TNFAIP8: variants seen among roughly 807,000 people sequenced by gnomAD.
The protein encoded by TNFAIP8 is TNF alpha induced protein 8.
A neutral mutation model predicts 13.3 loss-of-function variants in TNFAIP8; 7 were observed. The observed-to-expected ratio is 0.52, with a 90% CI of 0.30 to 0.99. The LOEUF (loss-of-function observed/expected upper bound fraction) is 0.99. Ranked by LOEUF, TNFAIP8 falls within the 50% of genes least tolerant of loss-of-function variation. The probability of loss-of-function intolerance (pLI) is 0.07; values close to 1 mark genes in which losing one functional copy is unlikely to be tolerated. For synonymous variants in TNFAIP8, 94 were observed against 87.6 expected, an observed-to-expected ratio of 1.07 and a Z score of -0.41; for missense variants, 258 against 236.9, an observed-to-expected ratio of 1.09 and a Z score of -0.58.
chr5:119,381,669 C>T (rs141632169), intron 1 of TNFAIP8, among the ~76,000 whole-genome samples: 9 of 152,186 alleles, frequency 5.9e-5, no homozygotes, highest in East Asian at 3.9e-4. Flanking sequence ...CCCAGGGTCC[C>T]GGGTAAGATT....
At chr5:119,333,481 A>G in intron 1 of TNFAIP8, 1 of 1,436,070 alleles carries the variant, frequency 7.0e-7, no homozygotes, top group Non-Finnish European at 9.1e-7. Flanking sequence ...ATTATTCTTG[A>G]GAAGGACTGA....
At chr5:119,310,210 A>T (rs1431369673) in intron 1 of TNFAIP8, among the ~76,000 whole-genome samples, 1 of 152,042 alleles carries the variant, frequency 6.6e-6, no homozygotes, top group Non-Finnish European at 1.5e-5. Flanking sequence ...AACAGATGTC[A>T]CTCTTTCGCT....
intron 1 of TNFAIP8, among the ~76,000 whole-genome samples, chr5:119,361,192 G>GACACC (rs1434471443): frequency 6.6e-6 from 1 of 152,180 alleles, no homozygotes; most frequent in Non-Finnish European, 1.5e-5. Flanking sequence ...TGGGAGTCAG[G>GACACC]ACACCTTTCT....
At chr5:119,354,520 C>T (rs1751308432), upstream of TNFAIP8, 1 of 152,026 alleles carries the variant, frequency 6.6e-6, no homozygotes. Flanking sequence ...TGTTCAAAGT[C>T]AATACTGAAA....
intron 1 of TNFAIP8, among the ~76,000 whole-genome samples, chr5:119,315,764 GTGTCGTC>G: frequency 6.6e-6 from 1 of 152,290 alleles, no homozygotes; most frequent in East Asian, 1.9e-4. Context: ...GTTCCTGGTA[GTGTCGTC>G]TATCTGAAGA....
intron 1 of TNFAIP8, among the ~76,000 whole-genome samples, chr5:119,327,154 ATGTC>A (rs1750248521): frequency 6.6e-6 from 1 of 152,196 alleles, no homozygotes; most frequent in Admixed American, 6.5e-5. Flanking sequence ...TTTCCTGGAA[ATGTC>A]TGTTCCCAGA....
Position 119,297,556 on chromosome 5 carries a change from G to T in TNFAIP8, c.1+28649G>T, listed in dbSNP as rs558360815. ...TGGTCAATTTTGGAATAGGTGTGGT[G>T]TGGTGCTGAAAAAAATGTATATTCT... On this transcript the variant is annotated intron_variant, in intron 1 of 1. Coordinates refer to the TNFAIP8 transcript ENST00000274456. Among the ~76,000 whole-genome samples, 934 of 152,268 alleles carry T rather than the reference G, an allele frequency of 6.1e-3. 8 individuals carry two copies. The highest frequency in any genetic ancestry group is 0.022 in the African/African-American group (896 of 41,556).
chr5:119,306,592 C>T (rs1463491578), intron 1 of TNFAIP8: 1 of 152,182 alleles, frequency 6.6e-6, no homozygotes, highest in Non-Finnish European at 1.5e-5. Flanking sequence ...CTTGGCCTCC[C>T]AAGTAGCTGG....
At chr5:119,268,980 C>T (rs879314201) in intron 1 of TNFAIP8, 40 of 642,736 alleles carry the variant, frequency 6.2e-5, no homozygotes, top group Middle Eastern at 2.4e-4. Flanking sequence ...CTGCGGGCTG[C>T]TCTCGGGGAG....
intron 1 of TNFAIP8, among the ~76,000 whole-genome samples, chr5:119,361,796 A>G (rs1223446577): frequency 6.6e-6 from 1 of 152,224 alleles, no homozygotes; most frequent in Non-Finnish European, 1.5e-5. Flanking sequence ...GCTGGGGACC[A>G]GGGGTGTCCC....
At chr5:119,317,098 A>G (rs1360860193) in intron 1 of TNFAIP8, among the ~76,000 whole-genome samples, 1 of 152,172 alleles carries the variant, frequency 6.6e-6, no homozygotes. Context: ...AGATAATAAA[A>G]AGGAAGTAGT....
At chr5:119,349,361 A>G (rs1465992560) in intron 1 of TNFAIP8, among the ~76,000 whole-genome samples, 1 of 151,982 alleles carries the variant, frequency 6.6e-6, no homozygotes, top group African/African-American at 2.4e-5. Flanking sequence ...TTTCATCATT[A>G]TAACAACCCT....
chr5:119,290,644 T>A (rs755688762), intron 1 of TNFAIP8, among the ~76,000 whole-genome samples: 6 of 152,060 alleles, frequency 3.9e-5, no homozygotes, highest in Non-Finnish European at 5.9e-5. Flanking sequence ...AGAATGAATA[T>A]CAGGAGGTGG....
At chr5:119,305,003 T>C (rs995629377) in intron 1 of TNFAIP8, among the ~76,000 whole-genome samples, 1 of 152,026 alleles carries the variant, frequency 6.6e-6, no homozygotes, top group Non-Finnish European at 1.5e-5. Flanking sequence ...AAAGAGAAAA[T>C]ACCACATTCC....
chr5:119,359,502 A>G (rs1292386817), intron 1 of TNFAIP8, among the ~76,000 whole-genome samples: 2 of 152,068 alleles, frequency 1.3e-5, no homozygotes, highest in African/African-American at 4.8e-5. Flanking sequence ...AAAGGTGCTC[A>G]TTAAATGTTG....
chr5:119,301,970 T>G (rs1192436699), intron 1 of TNFAIP8, among the ~76,000 whole-genome samples: 2 of 152,354 alleles, frequency 1.3e-5, no homozygotes, highest in Middle Eastern at 3.4e-3. Flanking sequence ...CCTAAGAATT[T>G]TCTAGTTTAT....
chr5:119,280,788 T>G (rs1748603552), intron 1 of TNFAIP8, among the ~76,000 whole-genome samples: 1 of 152,216 alleles, frequency 6.6e-6, no homozygotes, highest in Admixed American at 6.5e-5. Context: ...ATCTGTTATT[T>G]GATTGCCCAG....
chr5:119,321,779 T>C (rs868813233), intron 1 of TNFAIP8, among the ~76,000 whole-genome samples: 1 of 152,196 alleles, frequency 6.6e-6, no homozygotes, highest in East Asian at 1.9e-4. Flanking sequence ...CCTTGTGCAA[T>C]GAGAATGGTC....
chr5:119,276,675 C>A (rs1748459743), intron 1 of TNFAIP8, among the ~76,000 whole-genome samples: 1 of 152,184 alleles, frequency 6.6e-6, no homozygotes, highest in African/African-American at 2.4e-5. Context: ...CTGTGCACAA[C>A]CCTGGTGTCT....
Sources: allele counts gnomAD v4.1 joint callset (sites outside exome capture counted in the v4.1 genomes callset), GRCh38; gene constraint gnomAD v4.1.1; transcripts MANE v1.5; gene names NCBI Gene and HGNC (gene_info 2026-07-23, HGNC 2026-07-21).